Variants in CRACD observed in about 807,000 individuals in gnomAD.
The protein encoded by CRACD is capping protein inhibiting regulator of actin dynamics.
A neutral mutation model predicts 106.8 loss-of-function variants in CRACD; 56 were observed. The observed-to-expected ratio is 0.52, with a 90% CI of 0.42 to 0.66. The LOEUF (loss-of-function observed/expected upper bound fraction) is 0.66. Ranked by LOEUF, CRACD falls within the 30% of genes least tolerant of loss-of-function variation. The pLI is 0.00. For synonymous variants in CRACD, 754 were observed against 670.8 expected, an observed-to-expected ratio of 1.12 and a Z score of -1.92; for missense variants, 1,730 against 1,623.2, an observed-to-expected ratio of 1.07 and a Z score of -1.13.
chr4:56,302,597 C>T (rs898437722), intron 4 of CRACD, among the ~76,000 whole-genome samples: 3 of 152,208 alleles, frequency 2.0e-5, no homozygotes, highest in Non-Finnish European at 2.9e-5. Flanking sequence ...TAAACACCCG[C>T]TCTTAGCCAC....
intron 1 of CRACD, among the ~76,000 whole-genome samples, chr4:56,133,078 C>T (rs1341993653): frequency 6.6e-6 from 1 of 152,180 alleles, no homozygotes; most frequent in Admixed American, 6.5e-5. Flanking sequence ...TGCACCCTCG[C>T]TGAGTCACTA....
intron 1 of CRACD, among the ~76,000 whole-genome samples, chr4:56,160,188 T>G (rs1012072709): frequency 2.7e-5 from 4 of 146,642 alleles, no homozygotes; most frequent in African/African-American, 1.0e-4. Context: ...TATTTTGATT[T>G]TTTTTTTTTT....
chr4:56,220,543 CAA>C (rs988588399), intron 2 of CRACD, among the ~76,000 whole-genome samples: 14 of 152,192 alleles, frequency 9.2e-5, no homozygotes, highest in African/African-American at 3.4e-4. Flanking sequence ...ATGTTGATTT[CAA>C]GGACCATCTG....
intron 2 of CRACD, among the ~76,000 whole-genome samples, chr4:56,184,480 A>T (rs1736999769): frequency 6.6e-6 from 1 of 151,224 alleles, no homozygotes; most frequent in Non-Finnish European, 1.5e-5. Context: ...ACCAAATGCG[A>T]CTCCCTGGGA....
chr4:56,264,397 T>C (rs968324144), intron 2 of CRACD, among the ~76,000 whole-genome samples: 3 of 152,050 alleles, frequency 2.0e-5, no homozygotes, highest in Admixed American at 6.6e-5. Flanking sequence ...AGGAAGCAAA[T>C]CCAAGTTTTA....
intron 1 of CRACD, among the ~76,000 whole-genome samples, chr4:56,143,194 A>G (rs1380257080): frequency 3.3e-5 from 5 of 151,686 alleles, no homozygotes; most frequent in African/African-American, 9.7e-5. Flanking sequence ...TTATATTTCT[A>G]TTGTTGTCAT....
intron 2 of CRACD, among the ~76,000 whole-genome samples, chr4:56,266,783 C>T (rs936659770): frequency 6.6e-6 from 1 of 152,216 alleles, no homozygotes; most frequent in Non-Finnish European, 1.5e-5. Context: ...GCATCATAAA[C>T]TGACCATAAA....
intron 1 of CRACD, among the ~76,000 whole-genome samples, chr4:56,084,548 A>T (rs1233084002): frequency 6.6e-6 from 1 of 152,110 alleles, no homozygotes; most frequent in Non-Finnish European, 1.5e-5. Flanking sequence ...GATATTAATG[A>T]TGTTGTTAAT....
At chr4:56,292,950 C>T in intron 3 of CRACD, among the ~76,000 whole-genome samples, 1 of 152,108 alleles carries the variant, frequency 6.6e-6, no homozygotes, top group Non-Finnish European at 1.5e-5. Flanking sequence ...GTTGGAGTTT[C>T]AGATAGACTT....
rs1355806127 is a variant in CRACD, at chr4:56,315,378, GAGA to G, written c.1882_1884del (p.Lys628del). On this transcript the variant is annotated inframe_deletion, in exon 8 of 11. Transcript: ENST00000682029. The surrounding 1 kb of genome is among the most constrained non-coding windows in gnomAD (Gnocchi z 4.1). ...GTGCAAGTCCCTCCTGGGCTTGGAG[GAGA>G]AGAAGCACGCGGAAGCCCCAGCTGG... The G allele has an allele frequency of 4.3e-6, 7 of 1,613,248 alleles. No homozygotes were observed. The Admixed American group carries it at 1.2e-4, about 27-fold the overall frequency.
intron 3 of CRACD, among the ~76,000 whole-genome samples, chr4:56,294,784 G>A (rs775442331): frequency 2.3e-4 from 35 of 151,538 alleles, no homozygotes; most frequent in Non-Finnish European, 4.7e-4. Context: ...CGTGGTGGTG[G>A]GCACCTGTAA....
chr4:56,079,936 A>G (rs143468738), intron 1 of CRACD, among the ~76,000 whole-genome samples: 1 of 152,324 alleles, frequency 6.6e-6, no homozygotes, highest in East Asian at 1.9e-4. Flanking sequence ...GGGGGGATAT[A>G]TGTGACAGGA....
chr4:56,200,961 A>G (rs1218489502), intron 2 of CRACD, among the ~76,000 whole-genome samples: 2 of 152,262 alleles, frequency 1.3e-5, no homozygotes, highest in African/African-American at 4.8e-5. Flanking sequence ...AAAAAATGAA[A>G]TTAAAATATC....
At chr4:56,148,519 C>A (rs1735473704) in intron 1 of CRACD, among the ~76,000 whole-genome samples, 1 of 152,076 alleles carries the variant, frequency 6.6e-6, no homozygotes, top group Non-Finnish European at 1.5e-5. Context: ...GTCTTGAACT[C>A]CTGGCCTTAA....
intron 1 of CRACD, among the ~76,000 whole-genome samples, chr4:56,129,911 A>G (rs1431769209): frequency 1.3e-5 from 2 of 152,206 alleles, no homozygotes; most frequent in African/African-American, 2.4e-5. Flanking sequence ...TCAAGTGAGA[A>G]TAGTCTTGAA....
intron 1 of CRACD, among the ~76,000 whole-genome samples, chr4:56,099,934 TG>T (rs1350632850): frequency 6.6e-6 from 1 of 152,166 alleles, no homozygotes; most frequent in African/African-American, 2.4e-5. Flanking sequence ...AGAAAATGAA[TG>T]AATTTCTGTT....
chr4:56,134,309 C>A (rs1277227121), intron 1 of CRACD, among the ~76,000 whole-genome samples: 1 of 152,146 alleles, frequency 6.6e-6, no homozygotes, highest in Admixed American at 6.5e-5. Context: ...TCATACCCCC[C>A]ATTCCTTCCT....
intron 3 of CRACD, among the ~76,000 whole-genome samples, chr4:56,277,985 A>C (rs972330886): frequency 6.6e-6 from 1 of 152,234 alleles, no homozygotes; most frequent in African/African-American, 2.4e-5. Context: ...AAATGACAAA[A>C]TATCATTGAA....
intron 1 of CRACD, among the ~76,000 whole-genome samples, chr4:56,134,946 TCCCCTAAATAGCAG>T: frequency 6.6e-6 from 1 of 151,190 alleles, no homozygotes; most frequent in Non-Finnish European, 1.5e-5. Context: ...TTTTTTTTTT[TCCCCTAAATAGCAG>T]GTAGTGCCTC....
Sources: allele counts gnomAD v4.1 joint callset (sites outside exome capture counted in the v4.1 genomes callset), GRCh38; gene constraint gnomAD v4.1.1; non-coding constraint Gnocchi (gnomAD v3.1); transcripts MANE v1.5; gene names NCBI Gene and HGNC (gene_info 2026-07-23, HGNC 2026-07-21).